WWP1: variants seen among roughly 807,000 people sequenced by gnomAD.
WWP1 encodes the protein WW domain containing E3 ubiquitin protein ligase 1.
In WWP1, 49 loss-of-function variants were observed where a neutral mutation model predicts 130.6. The observed-to-expected ratio is 0.38, with a 90% CI of 0.30 to 0.48. The LOEUF (loss-of-function observed/expected upper bound fraction) is 0.48. Among genes scored for constraint, WWP1 ranks in the 20% least tolerant of loss-of-function variants. The probability of loss-of-function intolerance (pLI) is 0.99; values close to 1 mark genes in which losing one functional copy is unlikely to be tolerated. For synonymous variants in WWP1, 332 were observed against 367.8 expected (o/e 0.90, Z 1.11); for missense variants, 809 against 1,100.6 (o/e 0.74, Z 3.75).
At chr8:86,430,617 T>C in intron 11 of WWP1, 80 bp from the exon 12 acceptor site, 1 of 1,167,856 alleles carries the variant, frequency 8.6e-7, no homozygotes, top group Non-Finnish European at 1.2e-6. Context: ...AATGTGATTC[T>C]GCCACATGCT....
intron 5 of WWP1, among the ~76,000 whole-genome samples, chr8:86,394,062 G>A (rs573960644): frequency 1.4e-4 from 21 of 152,294 alleles, no homozygotes; most frequent in East Asian, 9.6e-4. Flanking sequence ...TTGAGTTCTC[G>A]GCAATAATGA....
rs1364749490 is a variant in WWP1 at position 86,448,211 on chromosome 8, A to C, written c.2062A>C (p.Ser688Arg). ...FSLPFYKRML[S>R]KKLTIKDLES... ...TTTACCATTCTACAAGCGTATGTTA[A>C]GTAAAAAACTTACTATTAAGGATTT... The change falls in exon 19 of 25, where the codon AGT becomes CGT. Residue 688 changes from serine (S) to arginine (R), a missense_variant. Ser to Arg is a moderately radical substitution (Grantham distance 110). Around this residue, in one of 3 missense-constraint regions of WWP1, gnomAD observed 450 missense variants for 674.2 expected, o/e 0.67. Coordinates refer to ENST00000517970, the MANE Select transcript of WWP1 (RefSeq NM_007013.4). 1.3e-6 allele frequency: 2 copies of C among 1,582,684 alleles called. No homozygotes were observed. Among genetic ancestry groups the C allele is most frequent in the Non-Finnish European group, 1.7e-6 (2 of 1,172,480 alleles).
At chr8:86,379,323 G>T (rs886188024) in intron 3 of WWP1, among the ~76,000 whole-genome samples, 1 of 152,066 alleles carries the variant, frequency 6.6e-6, no homozygotes, top group Non-Finnish European at 1.5e-5. Context: ...TATGTTGCCG[G>T]TACTTAAATA....
chr8:86,351,553 C>T (rs1403982490), intron 1 of WWP1, among the ~76,000 whole-genome samples: 2 of 151,004 alleles, frequency 1.3e-5, no homozygotes, highest in East Asian at 3.9e-4. Flanking sequence ...GTCTTGAATT[C>T]CTGGGCTCAA....
chr8:86,393,958 AC>A (rs1017050442), intron 5 of WWP1, among the ~76,000 whole-genome samples: 9 of 152,204 alleles, frequency 5.9e-5, no homozygotes, highest in African/African-American at 2.2e-4. Flanking sequence ...GAAATCAGCA[AC>A]CATTGAGAAG....
chr8:86,421,836 T>A (rs759678231), intron 9 of WWP1, among the ~76,000 whole-genome samples: 4 of 151,922 alleles, frequency 2.6e-5, no homozygotes, highest in Non-Finnish European at 5.9e-5. Flanking sequence ...AAAAAAAAAT[T>A]TTTTTTGAAA....
intron 9 of WWP1, among the ~76,000 whole-genome samples, chr8:86,422,665 G>T (rs1031639370): frequency 6.6e-6 from 1 of 151,862 alleles, no homozygotes; most frequent in Non-Finnish European, 1.5e-5. Context: ...GAGCCACCAC[G>T]CCCGGCCCAC....
intron 24 of WWP1, among the ~76,000 whole-genome samples, chr8:86,465,980 C>T (rs891384463): frequency 2.6e-5 from 4 of 152,070 alleles, no homozygotes; most frequent in Admixed American, 1.3e-4. Context: ...GGTAAGAAGG[C>T]ACCTGGATAA....
intron 17 of WWP1, among the ~76,000 whole-genome samples, chr8:86,439,114 C>T (rs941165699): frequency 4.0e-5 from 6 of 151,864 alleles, no homozygotes; most frequent in African/African-American, 9.7e-5. Context: ...GAGGCCAAGG[C>T]GGGTGGATCA....
At chr8:86,409,729 C>T (rs939633205) in intron 8 of WWP1, among the ~76,000 whole-genome samples, 4 of 151,686 alleles carry the variant, frequency 2.6e-5, no homozygotes, top group Middle Eastern at 3.4e-3. Context: ...GGCGTGGTGG[C>T]GGGTGCCTGT....
chr8:86,428,451 A>G (rs1682508876), intron 11 of WWP1, among the ~76,000 whole-genome samples: 1 of 152,238 alleles, frequency 6.6e-6, no homozygotes, highest in South Asian at 2.1e-4. Flanking sequence ...TAAGTACTGG[A>G]CAACTACAGA....
chr8:86,402,437 C>G lies in WWP1; in HGVS notation c.724+234C>G, dbSNP rs141109442. 1.7e-3 allele frequency among the ~76,000 whole-genome samples: 264 copies of G among 152,254 alleles called. 3 individuals are homozygous for G. Among genetic ancestry groups the G allele is most frequent in the African/African-American group, 6.1e-3 (254 of 41,564 alleles). ...AGTAGCTGGGATTACAGGCACCCAC[C>G]ACCACAACCAGCTAAAAAGTTTTTG... On this transcript the variant is annotated intron_variant, in intron 8 of 24. Transcript: ENST00000517970.
chr8:86,387,439 T>G (rs2130404686), intron 5 of WWP1, among the ~76,000 whole-genome samples: 1 of 152,246 alleles, frequency 6.6e-6, no homozygotes, highest in East Asian at 1.9e-4. Flanking sequence ...ATATATTCTT[T>G]TATAATCCCA....
intron 9 of WWP1, among the ~76,000 whole-genome samples, chr8:86,422,242 A>G (rs1394173850): frequency 2.0e-5 from 3 of 152,188 alleles, no homozygotes; most frequent in Non-Finnish European, 4.4e-5. Context: ...TCTTGTGTTT[A>G]AGAAAAAGGA....
chr8:86,356,439 TTA>T (rs978412607), intron 1 of WWP1, among the ~76,000 whole-genome samples: 2 of 150,748 alleles, frequency 1.3e-5, no homozygotes, highest in African/African-American at 4.8e-5. Flanking sequence ...ATATATATAT[TTA>T]TATATATATT....
At position 86,466,875 on chromosome 8, in the gene WWP1, G is replaced by C. The variant is rs1355974312; in HGVS notation, c.2751G>C (p.Glu917Asp). Residue 917 changes from glutamate (E) to aspartate (D), a missense_variant, in exon 25 of 25, where the codon GAG becomes GAC. Around this residue, in one of 3 missense-constraint regions of WWP1, gnomAD observed 450 missense variants for 674.2 expected, o/e 0.67. Transcript: ENST00000517970. Reference sequence around the variant, plus strand: ...TTCTTTTTGCAATAGAAGAGACAGAGGGATTTGGACAAGAATGAATGTGGC... The same window carrying C: ...TTCTTTTTGCAATAGAAGAGACAGACGGATTTGGACAAGAATGAATGTGGC... ...EKLLFAIEET[E>D]GFGQE 3.7e-6 allele frequency: 6 copies of C among 1,604,676 alleles called. No homozygotes were observed. The South Asian group carries it at 6.7e-5, about 18-fold the overall frequency.
chr8:86,343,039 G>C (rs1253341491), intron 1 of WWP1, 109 bp downstream of exon 1: 4 of 299,778 alleles, frequency 1.3e-5, no homozygotes, highest in Admixed American at 1.0e-4. Flanking sequence ...TCCGCCCCCG[G>C]GCTGGACCCT....
In WWP1 at chr8:86,466,821, T is replaced by A; in HGVS notation, c.2697T>A (p.Tyr899Ter). ...TTAATCGCTTGGATCTACCACCATATAAGAGTTATGAACAACTAAAGGAAA... is the reference window on the plus strand; with the variant it reads ...TTAATCGCTTGGATCTACCACCATAAAAGAGTTATGAACAACTAAAGGAAA... ...TCFNRLDLPP[Y>*]KSYEQLKEKL... The change falls in exon 25 of 25, where the codon TAT becomes TAA. Residue 899 changes from tyrosine (Y) to a stop codon, truncating the protein, a stop_gained. Coordinates refer to ENST00000517970, the MANE Select transcript of WWP1 (RefSeq NM_007013.4). LOFTEE classifies it high-confidence loss of function. 6.2e-7 allele frequency: 1 copy of A among 1,602,594 alleles called. No individual in the cohort carries two copies. Among genetic ancestry groups the A allele is most frequent in the East Asian group, 2.2e-5 (1 of 44,552 alleles).
At position 86,381,449 on chromosome 8, in the gene WWP1, T is replaced by C. The variant is rs1824980865; in HGVS notation, c.210-56T>C. 3.9e-6 allele frequency: 6 copies of C among 1,548,480 alleles called. No homozygotes were observed. In the South Asian group the frequency reaches 6.3e-5, roughly 16 times the overall value. ...ATGCTTTAATAGGAATTGTTACTTATTAATAGAATGACAACGTCTACTCCT... is the reference window on the plus strand; with the variant it reads ...ATGCTTTAATAGGAATTGTTACTTACTAATAGAATGACAACGTCTACTCCT... On this transcript the variant is annotated intron_variant, in intron 4 of 24. Coordinates refer to ENST00000517970, the MANE Select transcript of WWP1 (RefSeq NM_007013.4).
Sources: gnomAD v4.1 joint callset for allele counts (sites outside exome capture counted in the v4.1 genomes callset) on GRCh38, gnomAD v4.1.1 for gene constraint, gnomAD v4.1.1 regional missense constraint, MANE v1.5 for transcripts, NCBI Gene and HGNC (gene_info 2026-07-23, HGNC 2026-07-21) for gene names.